PRKD2: variants seen among roughly 807,000 people sequenced by gnomAD.
The protein encoded by PRKD2 is serine/threonine-protein kinase D2.
PRKD2 carries 22 observed loss-of-function variants against 86.0 expected under a neutral mutation model. That is an observed-to-expected ratio of 0.26 (90% CI 0.18 to 0.37). The LOEUF is 0.37. PRKD2 is among the 10% of genes least tolerant of loss of function. PRKD2 has a pLI of 1.00. For missense variants in PRKD2, 818 were observed against 1,199.2 expected (o/e 0.68, Z 4.70); for synonymous variants, 509 against 510.9 (o/e 1.00, Z 0.05).
intron 14 of PRKD2, 145 bp downstream of exon 14, chr19:46,689,392 G>A (rs2053450516): frequency 1.0e-5 from 10 of 988,148 alleles, no homozygotes; most frequent in Non-Finnish European, 1.5e-5. Flanking sequence ...ACGGGTGTGA[G>A]CCACTGCGCC....
chr19:46,703,925 T>G (rs979662793), intron 5 of PRKD2, among the ~76,000 whole-genome samples: 3 of 143,180 alleles, frequency 2.1e-5, no homozygotes, highest in Non-Finnish European at 3.0e-5. Flanking sequence ...GCCTGGGTGA[T>G]AGAGTGACAC....
rs2053311817 is a variant in PRKD2, at chr19:46,681,811, A to G, written c.1972-63T>C. On this transcript the variant is annotated intron_variant, in intron 14 of 17. Transcript: ENST00000291281. ...AGGTACTCAGCCAAATCCCAACCTC[A>G]GCAGCCAGCCCTCCAAACCCATCCA... The G allele has an allele frequency of 1.7e-5, 18 of 1,033,524 alleles. 1 individual carries two copies. The South Asian group carries it at 2.3e-4, about 13-fold the overall frequency. 64.0% of individuals were successfully genotyped at this position (1,033,524 alleles called of 1,614,324 possible). A position where few individuals can be genotyped will look rare whatever the true frequency, so the allele number is the denominator to read the frequency against.
intron 9 of PRKD2, among the ~76,000 whole-genome samples, chr19:46,694,813 G>C (rs986959074): frequency 3.3e-5 from 5 of 151,262 alleles, no homozygotes; most frequent in African/African-American, 7.3e-5. Context: ...GTGGTGGCTC[G>C]TGCCTGTACT....
At chr19:46,676,831 G>A (rs769322248) in intron 16 of PRKD2, among the ~76,000 whole-genome samples, 3 of 152,122 alleles carry the variant, frequency 2.0e-5, no homozygotes, top group African/African-American at 4.8e-5. Context: ...AGGCTGAAGC[G>A]GGCAAATAAC....
rs747648668 is a variant in PRKD2 at position 46,691,916 on chromosome 19, G to T, written c.1629+17C>A. Reference sequence around the variant, plus strand: ...TTTGTGGGAGGGGAGGGCATCAGGTGGGGGCAGGAGTCTCACCACATTCTC... The same window carrying T: ...TTTGTGGGAGGGGAGGGCATCAGGTTGGGGCAGGAGTCTCACCACATTCTC... On this transcript the variant is annotated intron_variant, in intron 11 of 17. Transcript: ENST00000291281. The T allele has an allele frequency of 1.7e-5, 28 of 1,613,302 alleles. No individual in the cohort carries two copies. Among genetic ancestry groups the T allele is most frequent in the Admixed American group, 3.3e-5 (2 of 59,968 alleles).
At chr19:46,705,435 C>T (rs933069607) in intron 3 of PRKD2, among the ~76,000 whole-genome samples, 4 of 152,104 alleles carry the variant, frequency 2.6e-5, no homozygotes, top group Non-Finnish European at 5.9e-5. Context: ...CCCTGTACCC[C>T]ACTTTCTCTT....
chr19:46,697,611 C>T (rs2053579466), intron 8 of PRKD2, 122 bp downstream of exon 8: 1 of 855,198 alleles, frequency 1.2e-6, no homozygotes, highest in Admixed American at 2.1e-5. Context: ...CACGGCCCAG[C>T]CCACTACTGG....
At chr19:46,675,342 A>C (rs2053182581) in intron 16 of PRKD2, among the ~76,000 whole-genome samples, 1 of 150,312 alleles carries the variant, frequency 6.7e-6, no homozygotes, top group Non-Finnish European at 1.5e-5. Flanking sequence ...CCCTCTCTTC[A>C]CCTGTTCTCT....
In PRKD2 at chr19:46,674,625, C is replaced by G. The variant is rs759017377; in HGVS notation, c.2535G>C (p.Pro845=). The G allele has an allele frequency of 2.5e-6, 4 of 1,609,044 alleles. No individual in the cohort carries two copies. The highest frequency in any genetic ancestry group is 3.4e-6 in the Non-Finnish European group (4 of 1,179,936). Residue 845 remains proline (P), a synonymous_variant, in exon 18 of 18, where the codon CCG becomes CCC. Coordinates refer to ENST00000291281, the MANE Select transcript of PRKD2 (RefSeq NM_016457.5). ...CCGTGGGCAGCCCAGACCCAGGCAG[C>G]GGATGCTCTGCTGCAAACTGCTCCC... is the stretch of plus-strand genomic sequence containing the variant. The part of the protein sequence containing the change: ...ARWEQFAAEH[P]LPGSGLPTDR...
intron 9 of PRKD2, among the ~76,000 whole-genome samples, chr19:46,696,557 A>C (rs745631225): frequency 1.3e-5 from 2 of 152,114 alleles, no homozygotes; most frequent in African/African-American, 2.4e-5. Flanking sequence ...CAAGAGATCA[A>C]GACCATCCTG....
Position 46,674,482 on chromosome 19 carries a change from A to G in PRKD2, c.*41T>C. Reference sequence around the variant, plus strand: ...AGTTCATTGCTGGGATCCTGTGAAGAACCGCTGTGGAGGGCAGCAGCTGGA... The same window carrying G: ...AGTTCATTGCTGGGATCCTGTGAAGGACCGCTGTGGAGGGCAGCAGCTGGA... On this transcript the variant is annotated 3_prime_UTR_variant, in exon 18 of 18. Coordinates refer to ENST00000291281, the MANE Select transcript of PRKD2 (RefSeq NM_016457.5). The G allele has an allele frequency of 6.3e-7, 1 of 1,577,788 alleles. No individual in the cohort carries two copies. Among genetic ancestry groups the G allele is most frequent in the Non-Finnish European group, 8.6e-7 (1 of 1,159,170 alleles).
At chr19:46,710,877 A>G in intron 3 of PRKD2, 30 bp downstream of exon 3, 3 of 697,476 alleles carry the variant, frequency 4.3e-6, no homozygotes, top group East Asian at 5.8e-5. Context: ...GCCCCGCCCC[A>G]GGCCCCGCCC....
In PRKD2 at chr19:46,697,342, G is replaced by A. The variant is rs867740512; in HGVS notation, c.1240-108C>T. 8.7e-6 allele frequency: 7 copies of A among 803,026 alleles called. No homozygotes were observed. In the East Asian group the frequency reaches 1.5e-4, roughly 17 times the overall value. 49.7% of individuals were successfully genotyped at this position (803,026 alleles called of 1,614,324 possible). On this transcript the variant is annotated intron_variant, in intron 8 of 17. Transcript: ENST00000291281. ...GTGCCTGGAGCACCACGTGCACGCC[G>A]TAACTCTAGCACCTACCCCACGCCG... is the stretch of plus-strand genomic sequence containing the variant.
In PRKD2 at chr19:46,675,127, G is replaced by A. The variant is rs938170436; in HGVS notation, c.2339-9C>T. ...GTTGATGAGGTCAATGGCTGCACAG[G>A]AAAGAGAAACAGGTCAAGCCCTACA... is the stretch of plus-strand genomic sequence containing the variant. On this transcript the variant is annotated splice_polypyrimidine_tract_variant and intron_variant, in intron 16 of 17. Coordinates refer to ENST00000291281, the MANE Select transcript of PRKD2 (RefSeq NM_016457.5). 3.7e-6 allele frequency: 6 copies of A among 1,606,418 alleles called. No individual in the cohort carries two copies. Among genetic ancestry groups the A allele is most frequent in the Non-Finnish European group, 4.3e-6 (5 of 1,175,514 alleles).
rs1374423184 is a variant in PRKD2 at position 46,697,867 on chromosome 19, A to G, written c.1122-17T>C. 5 of 1,589,202 alleles carry G rather than the reference A, an allele frequency of 3.1e-6. No individual in the cohort carries two copies. Among genetic ancestry groups the G allele is most frequent in the Non-Finnish European group, 4.3e-6 (5 of 1,157,894 alleles). On this transcript the variant is annotated splice_polypyrimidine_tract_variant and intron_variant, in intron 7 of 17. Coordinates refer to ENST00000291281, the MANE Select transcript of PRKD2 (RefSeq NM_016457.5). Reference sequence around the variant, plus strand: ...CCCAGGGAGCTGCGAAGGAAGAGGAAGGGGTGAGAAGTCACATGCAGAAAG... The same window carrying G: ...CCCAGGGAGCTGCGAAGGAAGAGGAGGGGGTGAGAAGTCACATGCAGAAAG...
chr19:46,714,371 A>G, intron 1 of PRKD2: 1 of 945,954 alleles, frequency 1.1e-6, no homozygotes, highest in Non-Finnish European at 1.3e-6. Context: ...CCCGCCCCCC[A>G]GCTTCCTTCC....
At chr19:46,688,314 T>C (rs2053429950) in intron 14 of PRKD2, among the ~76,000 whole-genome samples, 1 of 152,108 alleles carries the variant, frequency 6.6e-6, no homozygotes. Context: ...CCCTTTTTTC[T>C]AGATGAGTCA....
In PRKD2 at chr19:46,680,772, T is replaced by C. The variant is rs191914921; in HGVS notation, c.2070+878A>G. 4.5e-3 allele frequency among the ~76,000 whole-genome samples: 659 copies of C among 146,716 alleles called. 2 individuals are homozygous for C. The highest frequency in any genetic ancestry group is 5.4e-3 in the Non-Finnish European group (359 of 66,596). On this transcript the variant is annotated intron_variant, in intron 15 of 17. Transcript: ENST00000291281. Reference sequence around the variant, plus strand: ...CAGCTGGAGTGCAGTGGCACAATCATAGCTCACTTCAGACTTGAACTCCTG... The same window carrying C: ...CAGCTGGAGTGCAGTGGCACAATCACAGCTCACTTCAGACTTGAACTCCTG...
chr19:46,703,379 C>G (rs900644741), intron 5 of PRKD2, among the ~76,000 whole-genome samples: 1 of 152,130 alleles, frequency 6.6e-6, no homozygotes, highest in Non-Finnish European at 1.5e-5. Flanking sequence ...GTAATCCCAG[C>G]ACTTTGGGAG....
Sources: allele counts gnomAD v4.1 joint callset (sites outside exome capture counted in the v4.1 genomes callset), GRCh38; gene constraint gnomAD v4.1.1; transcripts MANE v1.5; gene names NCBI Gene and HGNC (gene_info 2026-07-23, HGNC 2026-07-21).